Variants in NEK7 observed in about 807,000 individuals in gnomAD.
The protein encoded by NEK7 is NIMA related kinase 7.
A neutral mutation model predicts 44.6 loss-of-function variants in NEK7; 18 were observed. The ratio of observed to expected loss-of-function variants is 0.40; its 90% CI spans 0.28 to 0.60. NEK7 has a LOEUF of 0.60. Ranked by LOEUF, NEK7 falls within the 20% of genes least tolerant of loss-of-function variation. The pLI, the probability that NEK7 is intolerant of heterozygous loss-of-function variation, is 0.38. For synonymous variants in NEK7, 130 were observed against 121.1 expected, an observed-to-expected ratio of 1.07 and a Z score of -0.48; for missense variants, 256 against 366.5, an observed-to-expected ratio of 0.70 and a Z score of 2.46.
intron 2 of NEK7, among the ~76,000 whole-genome samples, chr1:198,245,534 C>T (rs1666812879): frequency 6.6e-6 from 1 of 152,130 alleles, no homozygotes; most frequent in Admixed American, 6.6e-5. Context: ...GGAAGTTATT[C>T]AGAAGGCATG....
intron 7 of NEK7, 31 bp from the exon 8 acceptor site, chr1:198,292,914 C>A: frequency 1.7e-6 from 2 of 1,145,334 alleles, no homozygotes; most frequent in Non-Finnish European, 2.6e-6. Context: ...TTTTATATAC[C>A]TCTTACTTTA....
chr1:198,245,912 T>G (rs10494765), intron 2 of NEK7, among the ~76,000 whole-genome samples: 15,258 of 152,208 alleles, frequency 0.1, 1,010 homozygotes, highest in East Asian at 0.22. Flanking sequence ...TCATATTGAT[T>G]TGAATCTCAG....
At chr1:198,272,855 A>G (rs1653898615) in intron 5 of NEK7, among the ~76,000 whole-genome samples, 1 of 151,768 alleles carries the variant, frequency 6.6e-6, no homozygotes, top group African/African-American at 2.4e-5. Context: ...TTGATGTACC[A>G]GTTTTCAGGA....
intron 1 of NEK7, among the ~76,000 whole-genome samples, chr1:198,179,937 T>A (rs1005118376): frequency 2.0e-5 from 3 of 152,166 alleles, no homozygotes; most frequent in African/African-American, 7.2e-5. Context: ...CCTTGTGTAA[T>A]TTTGGTTAAG....
chr1:198,224,764 C>T (rs1666167239), intron 1 of NEK7, among the ~76,000 whole-genome samples: 1 of 151,614 alleles, frequency 6.6e-6, no homozygotes, highest in Non-Finnish European at 1.5e-5. Flanking sequence ...TGGATATAAC[C>T]CACACAAACA....
At chr1:198,261,086 A>G (rs529529248) in intron 3 of NEK7, among the ~76,000 whole-genome samples, 30 of 152,184 alleles carry the variant, frequency 2.0e-4, no homozygotes, top group African/African-American at 7.0e-4. Flanking sequence ...TGCAGTAGAT[A>G]TCTTTTGTTT....
intron 1 of NEK7, among the ~76,000 whole-genome samples, chr1:198,205,938 G>A (rs1189563161): frequency 6.6e-6 from 1 of 152,054 alleles, no homozygotes; most frequent in Non-Finnish European, 1.5e-5. Flanking sequence ...TGTTACAGTG[G>A]GTTTGGGGGA....
chr1:198,278,207 A>C (rs1482451499), intron 6 of NEK7, 138 bp downstream of exon 6: 1 of 553,230 alleles, frequency 1.8e-6, no homozygotes, highest in Non-Finnish European at 3.1e-6. Flanking sequence ...TAGAATGTTA[A>C]ACCTTTAAAT....
chr1:198,159,446 TAAATATAGTCCATGTGAC>T (rs752242834), intron 1 of NEK7, among the ~76,000 whole-genome samples: 10 of 152,188 alleles, frequency 6.6e-5, no homozygotes, highest in Non-Finnish European at 1.5e-4. Context: ...GTCAGCAGAC[TAAATATAGTCCATGTGAC>T]TGAGGCGGGT....
Position 198,242,809 on chromosome 1 carries a change from AT to A in NEK7, c.57+10183del, listed in dbSNP as rs199791068. ...TTTATTTTTAGTTTTTATATTTTTA[AT>A]TTTTTTTTTTGTATTTAATTTTTTT... On this transcript the variant is annotated intron_variant, in intron 2 of 9. Coordinates refer to ENST00000367385, the MANE Select transcript of NEK7 (RefSeq NM_133494.3). 2.5e-3 allele frequency among the ~76,000 whole-genome samples: 349 copies of A among 140,802 alleles called. 3 individuals carry two copies. The highest frequency in any genetic ancestry group is 0.012 in the East Asian group (58 of 4,796). The allele number at this position is 140,802 out of a possible 152,430, so 92.4% of individuals were successfully genotyped here. A position where few individuals can be genotyped will look rare whatever the true frequency, so the allele number is the denominator to read the frequency against.
At chr1:198,175,008 G>A (rs530371110) in intron 1 of NEK7, among the ~76,000 whole-genome samples, 33 of 152,208 alleles carry the variant, frequency 2.2e-4, no homozygotes, top group Middle Eastern at 3.4e-3. Context: ...GCCTCCCACC[G>A]TGGCTTCCCA....
chr1:198,195,153 C>T (rs948596662), intron 1 of NEK7, among the ~76,000 whole-genome samples: 2 of 152,034 alleles, frequency 1.3e-5, no homozygotes, highest in Non-Finnish European at 2.9e-5. Flanking sequence ...TGGCTTGTCA[C>T]CATCTGTATT....
intron 7 of NEK7, among the ~76,000 whole-genome samples, chr1:198,287,711 GAC>G (rs762788858): frequency 5.8e-4 from 88 of 151,414 alleles, no homozygotes; most frequent in Non-Finnish European, 1.1e-3. Context: ...CTAAAAATGA[GAC>G]AGATTTTTGC....
At chr1:198,230,405 A>G (rs1666351510) in intron 1 of NEK7, among the ~76,000 whole-genome samples, 1 of 152,154 alleles carries the variant, frequency 6.6e-6, no homozygotes, top group Non-Finnish European at 1.5e-5. Context: ...ATAATTCAAC[A>G]TTTTAACAGA....
intron 1 of NEK7, among the ~76,000 whole-genome samples, chr1:198,213,367 C>T (rs1665831680): frequency 6.6e-6 from 1 of 152,162 alleles, no homozygotes; most frequent in East Asian, 1.9e-4. Flanking sequence ...GCAGCTCTAC[C>T]CCAACAGTCA....
chr1:198,253,371 T>C lies in NEK7; in HGVS notation c.198+191T>C, dbSNP rs537670352. ...GAAATATTAGTTTTAACACTATTTC[T>C]AGGCTTTAAAAATTTAGCTCGTATT... On this transcript the variant is annotated intron_variant, in intron 3 of 9. Coordinates refer to ENST00000367385, the MANE Select transcript of NEK7 (RefSeq NM_133494.3). Among the ~76,000 whole-genome samples the C allele has an allele frequency of 5.9e-5, 9 of 152,290 alleles. No homozygotes were observed. The East Asian group carries it at 1.7e-3, about 29-fold the overall frequency.
intron 1 of NEK7, among the ~76,000 whole-genome samples, chr1:198,200,985 G>T (rs897634515): frequency 6.6e-6 from 1 of 152,030 alleles, no homozygotes; most frequent in Admixed American, 6.5e-5. Context: ...AGACTTAATG[G>T]GTGCCCTCTC....
chr1:198,277,924 T>C, intron 5 of NEK7, 37 bp from the exon 6 acceptor site: 1 of 1,255,350 alleles, frequency 8.0e-7, no homozygotes. Flanking sequence ...TTGAGAAATT[T>C]TAGTTTTTAT....
chr1:198,192,416 A>G (rs1665105775), intron 1 of NEK7, among the ~76,000 whole-genome samples: 1 of 148,636 alleles, frequency 6.7e-6, no homozygotes, highest in African/African-American at 2.5e-5. Context: ...TTGCTTTTTA[A>G]TTTATTGGTG....
Sources: gnomAD v4.1 joint callset for allele counts (sites outside exome capture counted in the v4.1 genomes callset) on GRCh38, gnomAD v4.1.1 for gene constraint, MANE v1.5 for transcripts, NCBI Gene and HGNC (gene_info 2026-07-23, HGNC 2026-07-21) for gene names.